Variants in TACR3 observed in about 807,000 individuals in gnomAD.
The protein encoded by TACR3 is tachykinin receptor 3, also known as neuromedin-K receptor.
Under a neutral mutation model 35.0 loss-of-function variants are expected in TACR3, and 34 were observed. That is an observed-to-expected ratio of 0.97 (90% CI 0.74 to 1.30). The LOEUF (loss-of-function observed/expected upper bound fraction) is 1.30, where lower values mean the gene tolerates loss of function less well. Ranked by LOEUF, TACR3 falls within the 50% of genes most tolerant of loss-of-function variation. The pLI is 0.00. For synonymous variants in TACR3, 233 were observed against 221.1 expected (o/e 1.05, Z -0.48); for missense variants, 558 against 591.7 (o/e 0.94, Z 0.59).
intron 1 of TACR3, among the ~76,000 whole-genome samples, chr4:103,675,913 G>A (rs1006625202): frequency 2.6e-5 from 4 of 151,998 alleles, no homozygotes; most frequent in Non-Finnish European, 5.9e-5. Context: ...CCGAAAAATC[G>A]AAATTATCCC....
At chr4:103,613,040 G>T (rs1181834342) in intron 3 of TACR3, among the ~76,000 whole-genome samples, 1 of 152,160 alleles carries the variant, frequency 6.6e-6, no homozygotes, top group Non-Finnish European at 1.5e-5. Context: ...TCCCTTTAGA[G>T]TCTCTTTCTA....
intron 1 of TACR3, among the ~76,000 whole-genome samples, chr4:103,667,825 G>A (rs1264380304): frequency 6.6e-6 from 1 of 152,020 alleles, no homozygotes; most frequent in East Asian, 1.9e-4. Context: ...ACTCTTAGCA[G>A]ATTGTTATTA....
rs1045758811 is a variant in TACR3, at chr4:103,597,446, C to A, written c.889-5763G>T. 3.3e-5 allele frequency among the ~76,000 whole-genome samples: 5 copies of A among 151,690 alleles called. No individual in the cohort carries two copies. The South Asian group carries it at 8.3e-4, about 25-fold the overall frequency. ...AAAACTGCTTGTTTTGATTAGAATC[C>A]TTTTTTTTAAATTTTATTATTATTA... On this transcript the variant is annotated intron_variant, in intron 3 of 4. Coordinates refer to ENST00000304883, the MANE Select transcript of TACR3 (RefSeq NM_001059.3).
chr4:103,602,502 T>C (rs1390587757), intron 3 of TACR3, among the ~76,000 whole-genome samples: 1 of 138,126 alleles, frequency 7.2e-6, no homozygotes, highest in Admixed American at 7.4e-5. Context: ...TTTTTTTTTT[T>C]TCCCATCTTT....
chr4:103,696,798 C>A (rs990643260), intron 1 of TACR3, among the ~76,000 whole-genome samples: 1 of 152,122 alleles, frequency 6.6e-6, no homozygotes, highest in South Asian at 2.1e-4. Context: ...AGTTATTCTT[C>A]CATAACTGCA....
At chr4:103,634,117 A>G (rs1725128128) in intron 3 of TACR3, among the ~76,000 whole-genome samples, 1 of 152,126 alleles carries the variant, frequency 6.6e-6, no homozygotes, top group African/African-American at 2.4e-5. Flanking sequence ...TTTTGAGAGC[A>G]CAAAAACCAC....
intron 3 of TACR3, among the ~76,000 whole-genome samples, chr4:103,591,973 C>T (rs1309393258): frequency 6.6e-6 from 1 of 152,066 alleles, no homozygotes; most frequent in Non-Finnish European, 1.5e-5. Context: ...TTTACAAAAA[C>T]CCAGAGAGCC....
rs772508077 is a variant in TACR3, at chr4:103,719,126, A to T, written c.548+2T>A. ...TTTCCTCTCTGTCTGTCCTCTCCTC[A>T]CCTGTCCACCGCAATGGCCGTCATG... is the stretch of plus-strand genomic sequence containing the variant. On this transcript the variant is annotated splice_donor_variant, in intron 1 of 4. Transcript: ENST00000304883. LOFTEE classifies it high-confidence loss of function. The T allele has an allele frequency of 1.9e-6, 3 of 1,613,512 alleles. No homozygotes were observed. Among genetic ancestry groups the T allele is most frequent in the Non-Finnish European group, 2.5e-6 (3 of 1,179,884 alleles).
chr4:103,586,669 A>G lies in TACR3; in HGVS notation c.*3013T>C, dbSNP rs1723776863. The G allele has an allele frequency of 6.6e-6, 1 of 152,056 alleles. No individual in the cohort carries two copies. The highest frequency in any genetic ancestry group is 6.6e-5 in the Admixed American group (1 of 15,232). The allele number at this position is 152,056 out of a possible 1,614,324, so 9.4% of individuals were successfully genotyped here. On this transcript the variant is annotated 3_prime_UTR_variant, in exon 5 of 5. Coordinates refer to ENST00000304883, the MANE Select transcript of TACR3 (RefSeq NM_001059.3). ...TTCTAAGACATTGGCAGGATTTGGA[A>G]AAGGACATGAATTCAGCTGCTGGGT...
At chr4:103,607,781 G>A (rs931456542) in intron 3 of TACR3, among the ~76,000 whole-genome samples, 1 of 152,098 alleles carries the variant, frequency 6.6e-6, no homozygotes, top group Non-Finnish European at 1.5e-5. Flanking sequence ...ACATTTTGAA[G>A]TCAGTCAGAT....
intron 1 of TACR3, among the ~76,000 whole-genome samples, chr4:103,663,091 T>C (rs1330771859): frequency 6.6e-6 from 1 of 152,198 alleles, no homozygotes; most frequent in African/African-American, 2.4e-5. Context: ...TTGTGGATTT[T>C]TTTTGCCAGT....
intron 3 of TACR3, among the ~76,000 whole-genome samples, chr4:103,639,383 T>C (rs1578238487): frequency 6.6e-6 from 1 of 151,228 alleles, no homozygotes; most frequent in African/African-American, 2.4e-5. Context: ...TAGGTGGGAG[T>C]TGAACAATGA....
chr4:103,655,800 C>A (rs1369945710), intron 3 of TACR3, among the ~76,000 whole-genome samples: 1 of 151,988 alleles, frequency 6.6e-6, no homozygotes, highest in African/African-American at 2.4e-5. Context: ...GAAGAGATGT[C>A]ATTCCTGGGA....
chr4:103,621,974 C>T (rs1311278629), intron 3 of TACR3, among the ~76,000 whole-genome samples: 2 of 152,044 alleles, frequency 1.3e-5, no homozygotes, highest in Non-Finnish European at 2.9e-5. Context: ...AAGAATGGGA[C>T]TTTGGGTAAA....
At chr4:103,591,421 A>G in intron 4 of TACR3, 66 bp downstream of exon 4, 1 of 1,579,270 alleles carries the variant, frequency 6.3e-7, no homozygotes, top group Non-Finnish European at 8.7e-7. Flanking sequence ...AAAATGGAAC[A>G]ACATTGTATG....
At chr4:103,717,164 T>G (rs1273392278) in intron 1 of TACR3, among the ~76,000 whole-genome samples, 6 of 152,150 alleles carry the variant, frequency 3.9e-5, no homozygotes, top group Non-Finnish European at 7.4e-5. Flanking sequence ...GTTTTAATAA[T>G]TGTTGTATTT....
intron 1 of TACR3, among the ~76,000 whole-genome samples, chr4:103,671,359 A>G (rs1167085610): frequency 1.3e-5 from 2 of 151,964 alleles, no homozygotes; most frequent in African/African-American, 4.8e-5. Context: ...TATGAGTAGG[A>G]TTGGTGTTAG....
intron 1 of TACR3, among the ~76,000 whole-genome samples, chr4:103,698,903 G>A (rs955957525): frequency 1.3e-4 from 20 of 152,018 alleles, no homozygotes; most frequent in African/African-American, 4.8e-4. Flanking sequence ...AACATCACAT[G>A]TACCCCCCAT....
intron 3 of TACR3, among the ~76,000 whole-genome samples, chr4:103,599,806 C>T (rs968351398): frequency 5.3e-5 from 8 of 152,010 alleles, no homozygotes; most frequent in Admixed American, 1.3e-4. Flanking sequence ...GGATGAAGCC[C>T]CCTTGATCAT....
Sources: allele counts gnomAD v4.1 joint callset (sites outside exome capture counted in the v4.1 genomes callset), GRCh38; gene constraint gnomAD v4.1.1; transcripts MANE v1.5; gene names NCBI Gene and HGNC (gene_info 2026-07-23, HGNC 2026-07-21).